CNKSR3: variants seen among roughly 807,000 people sequenced by gnomAD.
CNKSR3 encodes connector enhancer of kinase suppressor of ras 3.
In CNKSR3, 36 loss-of-function variants were observed where a neutral mutation model predicts 67.7. The ratio of observed to expected loss-of-function variants is 0.53; its 90% CI spans 0.41 to 0.70. CNKSR3 has a LOEUF of 0.70. CNKSR3 is among the 30% of genes least tolerant of loss of function. CNKSR3 has a pLI of 0.00. For missense variants in CNKSR3, 630 were observed against 695.2 expected, an observed-to-expected ratio of 0.91 and a Z score of 1.05; for synonymous variants, 281 against 271.4, an observed-to-expected ratio of 1.04 and a Z score of -0.35.
chr6:154,397,864 G>A lies in CNKSR3; in HGVS notation c.*8490C>T, dbSNP rs1784676972. 6.6e-6 allele frequency: 1 copy of A among 152,268 alleles called. No individual in the cohort carries two copies. Among genetic ancestry groups the A allele is most frequent in the Non-Finnish European group, 1.5e-5 (1 of 68,132 alleles). The allele number at this position is 152,268 out of a possible 1,614,324, so 9.4% of individuals were successfully genotyped here. A position where few individuals can be genotyped will look rare whatever the true frequency, so the allele number is the denominator to read the frequency against. On this transcript the variant is annotated 3_prime_UTR_variant, in exon 13 of 13. Coordinates refer to ENST00000607772, the MANE Select transcript of CNKSR3 (RefSeq NM_173515.4). ...AGCAAATCTGCGGCCATCACTAGGT[G>A]CACAGTGCAGTGGGGGTGTGTGAGA...
At chr6:154,471,859 G>T (rs1481783230) in intron 1 of CNKSR3, among the ~76,000 whole-genome samples, 1 of 152,134 alleles carries the variant, frequency 6.6e-6, no homozygotes, top group Non-Finnish European at 1.5e-5. Context: ...TAGAAGTCCA[G>T]TTCCATAGTG....
chr6:154,415,257 G>A (rs1311079152), intron 9 of CNKSR3, among the ~76,000 whole-genome samples: 1 of 78,574 alleles, frequency 1.3e-5, no homozygotes, highest in Admixed American at 1.5e-4. Flanking sequence ...TTAAGATGGA[G>A]TCTGCCTCTG....
At chr6:154,434,836 T>G (rs1785438707) in intron 4 of CNKSR3, among the ~76,000 whole-genome samples, 2 of 152,210 alleles carry the variant, frequency 1.3e-5, no homozygotes, top group Admixed American at 6.5e-5. Flanking sequence ...TAGATAAAAC[T>G]AAACTGTCAA....
intron 1 of CNKSR3, among the ~76,000 whole-genome samples, chr6:154,483,126 A>G (rs974215416): frequency 2.6e-5 from 4 of 152,176 alleles, no homozygotes; most frequent in Non-Finnish European, 5.9e-5. Context: ...TCTCAAACAG[A>G]GCCTGCTGTC....
intron 1 of CNKSR3, among the ~76,000 whole-genome samples, chr6:154,470,454 C>A (rs957433027): frequency 1.3e-5 from 2 of 152,102 alleles, no homozygotes; most frequent in African/African-American, 4.8e-5. Flanking sequence ...CTGCCTTGGC[C>A]TCCCAAAGTG....
rs919846689 is a variant in CNKSR3, at chr6:154,388,562, ATTTTT to A, written c.*17787_*17791del. ...GGTTGCTAGGTCACATGGCAGTTCT[ATTTTT>A]ACATTTTTTAGGAACACCCATACTG... On this transcript the variant is annotated 3_prime_UTR_variant, in exon 13 of 13. Transcript: ENST00000607772. 1 of 152,080 alleles carries A rather than the reference ATTTTT, an allele frequency of 6.6e-6. No individual in the cohort carries two copies. Among genetic ancestry groups the A allele is most frequent in the Non-Finnish European group, 1.5e-5 (1 of 68,004 alleles). 9.4% of individuals were successfully genotyped at this position (152,080 alleles called of 1,614,324 possible). A position where few individuals can be genotyped will look rare whatever the true frequency, so the allele number is the denominator to read the frequency against.
At chr6:154,449,103 T>C (rs533340445) in intron 2 of CNKSR3, among the ~76,000 whole-genome samples, 2 of 152,342 alleles carry the variant, frequency 1.3e-5, no homozygotes, top group African/African-American at 2.4e-5. Context: ...GATTCTAGTG[T>C]CAGGACCCAG....
intron 11 of CNKSR3, 112 bp downstream of exon 11, chr6:154,410,822 C>T (rs1030558940): frequency 3.3e-5 from 26 of 789,620 alleles, no homozygotes; most frequent in Admixed American, 2.4e-4. Flanking sequence ...TTATGTTTTC[C>T]TCAGATTACT....
At chr6:154,487,328 T>A (rs1786695328) in intron 1 of CNKSR3, among the ~76,000 whole-genome samples, 1 of 152,264 alleles carries the variant, frequency 6.6e-6, no homozygotes, top group Middle Eastern at 3.2e-3. Context: ...ATATGGCTGA[T>A]ATTATGATAA....
chr6:154,474,661 G>A (rs545078316), intron 1 of CNKSR3, among the ~76,000 whole-genome samples: 1 of 152,284 alleles, frequency 6.6e-6, no homozygotes. Flanking sequence ...GATGTGGGGT[G>A]GTGTGCCCCT....
intron 1 of CNKSR3, among the ~76,000 whole-genome samples, chr6:154,468,266 A>C (rs1786249694): frequency 6.7e-6 from 1 of 150,208 alleles, no homozygotes; most frequent in African/African-American, 2.5e-5. Context: ...TTTTAGTAGA[A>C]ATGAGGTTTC....
intron 1 of CNKSR3, among the ~76,000 whole-genome samples, chr6:154,490,421 T>C (rs1255433432): frequency 3.3e-5 from 5 of 152,258 alleles, no homozygotes; most frequent in Admixed American, 2.0e-4. Flanking sequence ...ATATCATATG[T>C]ATTATGCATG....
chr6:154,465,273 A>C (rs1786173321), intron 1 of CNKSR3, among the ~76,000 whole-genome samples: 1 of 152,138 alleles, frequency 6.6e-6, no homozygotes, highest in Non-Finnish European at 1.5e-5. Flanking sequence ...AATAGGGTCG[A>C]TCTATCTTAC....
chr6:154,471,509 C>T, intron 1 of CNKSR3, among the ~76,000 whole-genome samples: 1 of 152,140 alleles, frequency 6.6e-6, no homozygotes, highest in East Asian at 1.9e-4. Flanking sequence ...CATTGCACTC[C>T]AGCCACGGCA....
intron 12 of CNKSR3, among the ~76,000 whole-genome samples, chr6:154,408,008 T>G (rs1562317349): frequency 6.6e-6 from 1 of 152,006 alleles, no homozygotes; most frequent in African/African-American, 2.4e-5. Flanking sequence ...CATTTTTACA[T>G]AGTATTATTG....
At chr6:154,496,664 T>C (rs1786885009) in intron 1 of CNKSR3, among the ~76,000 whole-genome samples, 1 of 152,202 alleles carries the variant, frequency 6.6e-6, no homozygotes, top group Admixed American at 6.5e-5. Flanking sequence ...AAAGGTCAAA[T>C]AGTCCCCATT....
Position 154,406,264 on chromosome 6 carries a change from A to G in CNKSR3, c.*90T>C. 8.0e-7 allele frequency: 1 copy of G among 1,243,818 alleles called. No homozygotes were observed. 77.0% of individuals were successfully genotyped at this position (1,243,818 alleles called of 1,614,324 possible). A position where few individuals can be genotyped will look rare whatever the true frequency, so the allele number is the denominator to read the frequency against. On this transcript the variant is annotated 3_prime_UTR_variant, in exon 13 of 13. Transcript: ENST00000607772. ...AGAAATTGCATAAGGTCCCTACATA[A>G]TACTGAGGCTGAAACGAGAAGAGGC...
In CNKSR3 at chr6:154,406,415, G is replaced by C. The variant is rs1437432728; in HGVS notation, c.1607C>G (p.Ser536Trp). 6.2e-7 allele frequency: 1 copy of C among 1,614,056 alleles called. No individual in the cohort carries two copies. The highest frequency in any genetic ancestry group is 8.5e-7 in the Non-Finnish European group (1 of 1,180,042). The change falls in exon 13 of 13, where the codon TCG becomes TGG. Residue 536 changes from serine (S) to tryptophan (W), a missense_variant. Ser to Trp is a radical substitution (Grantham distance 177). Around this residue, in one of 3 missense-constraint regions of CNKSR3, gnomAD observed 308 missense variants for 299.6 expected, o/e 1.03. Transcript: ENST00000607772. ...KKSGSSATKSSSTEPSLLVSW... is the reference protein window; with the variant it reads ...KKSGSSATKSWSTEPSLLVSW... ...GACCAGGAGGGACGGTTCTGTGGAC[G>C]AGGACTTCGTAGCTGAGGAGCCAGA...
intron 11 of CNKSR3, among the ~76,000 whole-genome samples, 178 bp downstream of exon 11, chr6:154,410,756 A>C (rs1784893073): frequency 6.6e-6 from 1 of 152,266 alleles, no homozygotes; most frequent in Admixed American, 6.5e-5. Context: ...ATGACTCAAC[A>C]AGGATCCGCT....
Sources: gnomAD v4.1 joint callset for allele counts (sites outside exome capture counted in the v4.1 genomes callset) on GRCh38, gnomAD v4.1.1 for gene constraint, gnomAD v4.1.1 regional missense constraint, MANE v1.5 for transcripts, NCBI Gene and HGNC (gene_info 2026-07-23, HGNC 2026-07-21) for gene names.